NOC2L: variants seen among roughly 807,000 people sequenced by gnomAD.
NOC2L encodes the protein nucleolar complex protein 2 homolog.
Under a neutral mutation model 94.2 loss-of-function variants are expected in NOC2L, and 101 were observed. The ratio of observed to expected loss-of-function variants is 1.07; its 90% CI spans 0.91 to 1.26. The LOEUF (loss-of-function observed/expected upper bound fraction) is 1.26, where lower values mean the gene tolerates loss of function less well. NOC2L is among the 50% of genes most tolerant of loss of function. The pLI is 0.00. For missense variants in NOC2L, 1,076 were observed against 980.1 expected (o/e 1.10, Z -1.31); for synonymous variants, 531 against 413.4 (o/e 1.28, Z -3.45).
chr1:946,601 G>A, intron 14 of NOC2L, 56 bp from the exon 15 acceptor site: 2 of 1,586,250 alleles, frequency 1.3e-6, no homozygotes, highest in Non-Finnish European at 1.7e-6. Context: ...GTGCACAGCT[G>A]GCCCAGGTCC....
At chr1:945,003 C>T (rs1400110029) in intron 18 of NOC2L, 54 bp downstream of exon 18, 2 of 1,612,476 alleles carry the variant, frequency 1.2e-6, no homozygotes, top group Admixed American at 3.3e-5. Flanking sequence ...GTGGCTCTGC[C>T]CTCCCGCCAG....
At chr1:948,714 C>T (rs544681080) in intron 12 of NOC2L, 111 bp from the exon 13 acceptor site, 2 of 693,654 alleles carry the variant, frequency 2.9e-6, no homozygotes, top group East Asian at 2.6e-5. Flanking sequence ...CTGGCTGCAC[C>T]CTGGTCACCC....
intron 6 of NOC2L, among the ~76,000 whole-genome samples, chr1:955,255 G>A (rs1642368881): frequency 6.6e-6 from 1 of 152,238 alleles, no homozygotes; most frequent in African/African-American, 2.4e-5. Flanking sequence ...ACCAGCAACA[G>A]TGCCCCTGTC....
intron 6 of NOC2L, 29 bp downstream of exon 6, chr1:955,894 C>CG: frequency 6.4e-7 from 1 of 1,563,560 alleles, no homozygotes; most frequent in Non-Finnish European, 8.8e-7. Flanking sequence ...ACCTTCCACC[C>CG]TACCCCCCTT....
At chr1:950,247 G>A (rs1642217364) in intron 12 of NOC2L, among the ~76,000 whole-genome samples, 1 of 151,418 alleles carries the variant, frequency 6.6e-6, no homozygotes, top group African/African-American at 2.4e-5. Context: ...AGATGCAAAT[G>A]CATGCACACA....
chr1:950,480 C>T (rs1642226688), intron 12 of NOC2L, among the ~76,000 whole-genome samples: 1 of 151,866 alleles, frequency 6.6e-6, no homozygotes, highest in African/African-American at 2.4e-5. Flanking sequence ...CAGGTACACA[C>T]AGGTACACAC....
intron 13 of NOC2L, 29 bp downstream of exon 13, chr1:948,461 C>T: frequency 6.4e-7 from 1 of 1,552,636 alleles, no homozygotes; most frequent in South Asian, 1.1e-5. Context: ...GGGAACTGCC[C>T]AGGCCCCTCC....
Position 945,516 on chromosome 1 carries a change from A to G in NOC2L, c.2053+2T>C, listed in dbSNP as rs1325020660. 3.1e-6 allele frequency: 5 copies of G among 1,612,860 alleles called. No individual in the cohort carries two copies. Among genetic ancestry groups the G allele is most frequent in the Non-Finnish European group, 4.2e-6 (5 of 1,179,606 alleles). On this transcript the variant is annotated splice_donor_variant, in intron 17 of 18. Transcript: ENST00000327044. LOFTEE classifies it high-confidence loss of function. Reference sequence around the variant, plus strand: ...CCCCTGGGAGCACCACGCAGGCCCCACCTCTCTCCGAGAATCCCTCGGTGT... The same window carrying G: ...CCCCTGGGAGCACCACGCAGGCCCCGCCTCTCTCCGAGAATCCCTCGGTGT...
At chr1:949,798 T>TA (rs1642203498) in intron 12 of NOC2L, among the ~76,000 whole-genome samples, 1 of 152,144 alleles carries the variant, frequency 6.6e-6, no homozygotes, top group South Asian at 2.1e-4. Context: ...CATGGCTTCC[T>TA]AAAGATGTTC....
chr1:952,187 G>A (rs991500083), intron 10 of NOC2L, 48 bp from the exon 11 acceptor site: 1 of 1,601,652 alleles, frequency 6.2e-7, no homozygotes. Flanking sequence ...GACAAGTCAG[G>A]CTGATGCACG....
rs748668913 is a variant in NOC2L at position 956,969 on chromosome 1, G to A, written c.411C>T (p.Pro137=). Residue 137 remains proline, a synonymous_variant, in exon 4 of 19, where the codon CCC becomes CCT. Coordinates refer to ENST00000327044, the MANE Select transcript of NOC2L (RefSeq NM_015658.4). ...AEEGEDGDRV[P]RGLKGKKNSV... ...AATTCTTCTTCCCCTTCAGCCCTCT[G>A]GGGACTCTGTCCCCATCTTCTCCTT... 3.7e-6 allele frequency: 6 copies of A among 1,613,932 alleles called. No individual in the cohort carries two copies. The highest frequency in any genetic ancestry group is 5.1e-6 in the Non-Finnish European group (6 of 1,180,032).
rs1378165825 is a variant in NOC2L at position 944,800 on chromosome 1, T to G, written c.2144A>C (p.Asp715Ala). 6.4e-7 allele frequency: 1 copy of G among 1,574,678 alleles called. No individual in the cohort carries two copies. The highest frequency in any genetic ancestry group is 8.6e-7 in the Non-Finnish European group (1 of 1,161,202). Reference sequence around the variant, plus strand: ...CCCCGCCTCTGCGTCTGGGTCTCCATCTGCGGGGAGAGATGGAGGCTACAT... The same window carrying G: ...CCCCGCCTCTGCGTCTGGGTCTCCAGCTGCGGGGAGAGATGGAGGCTACAT... ...EGEEDSSNSE[D>A]GDPDAEAGLA... Residue 715 changes from aspartate to alanine, a missense_variant and splice_region_variant, in exon 19 of 19, where the codon GAT (aspartate) becomes GCT (alanine). Asp to Ala is a moderately radical substitution (Grantham distance 126). Around this residue, in one of 3 missense-constraint regions of NOC2L, gnomAD observed 615 missense variants for 577.4 expected, o/e 1.07. Coordinates refer to ENST00000327044, the MANE Select transcript of NOC2L (RefSeq NM_015658.4).
At chr1:959,129 C>A (rs759294874) in intron 1 of NOC2L, 48 bp from the exon 2 acceptor site, 5 of 1,611,516 alleles carry the variant, frequency 3.1e-6, no homozygotes, top group African/African-American at 2.7e-5. Context: ...CAGCTCGCCC[C>A]AGCCCCGCTG....
At chr1:957,552 C>T (rs1331542836) in intron 2 of NOC2L, 2 of 431,566 alleles carry the variant, frequency 4.6e-6, no homozygotes, top group South Asian at 3.0e-5. Flanking sequence ...CCTGGACTTG[C>T]TGTGCCTGTG....
In NOC2L at chr1:944,625, G is replaced by A. The variant is rs1642034775; in HGVS notation, c.*69C>T. The A allele has an allele frequency of 3.1e-6, 3 of 966,156 alleles. No individual in the cohort carries two copies. 59.8% of individuals were successfully genotyped at this position (966,156 alleles called of 1,614,324 possible). ...TGCACAGACGCCAGCCTCTAGGCCTGACTGCCAGGGAGGTGGAAACACTGG... is the reference window on the plus strand; with the variant it reads ...TGCACAGACGCCAGCCTCTAGGCCTAACTGCCAGGGAGGTGGAAACACTGG... On this transcript the variant is annotated 3_prime_UTR_variant, in exon 19 of 19. Coordinates refer to ENST00000327044, the MANE Select transcript of NOC2L (RefSeq NM_015658.4).
Position 957,121 on chromosome 1 carries a change from T to C in NOC2L, c.332A>G (p.His111Arg), listed in dbSNP as rs780069377. ...CACCTCCAGCACATCTGGCAGGGAG[T>C]GGAACGGCCCCTCTTCCTCCTCAGA... ...DSSEEEEGPF[H>R]SLPDVLEEAS... The change falls in exon 3 of 19, where the codon CAC becomes CGC. Residue 111 changes from histidine to arginine, a missense_variant. By Grantham distance (29) the His-to-Arg change is conservative (BLOSUM62 0). This residue lies in a region of NOC2L where 457 missense variants were observed against 386.0 expected (regional missense o/e 1.18). Coordinates refer to ENST00000327044, the MANE Select transcript of NOC2L (RefSeq NM_015658.4). 6.2e-6 allele frequency: 10 copies of C among 1,613,922 alleles called. No homozygotes were observed. The highest frequency in any genetic ancestry group is 7.6e-6 in the Non-Finnish European group (9 of 1,180,012).
intron 17 of NOC2L, 153 bp from the exon 18 acceptor site, chr1:945,299 TCACAGGCCTGGGGA>T: frequency 9.3e-7 from 1 of 1,069,998 alleles, no homozygotes; most frequent in Non-Finnish European, 1.3e-6. Flanking sequence ...AACTGGGAGG[TCACAGGCCTGGGGA>T]CAGAGTTACC....
Position 956,150 on chromosome 1 carries a change from G to A in NOC2L, c.552C>T (p.Thr184=). The part of the protein sequence containing the change: ...VQAFRAAVAT[T]RGDQESAEAN... Reference sequence around the variant, plus strand: ...CCTCAGCACTTTCCTGGTCCCCTCGGGTGGTGGCCACAGCTGCTCGGAACG... The same window carrying A: ...CCTCAGCACTTTCCTGGTCCCCTCGAGTGGTGGCCACAGCTGCTCGGAACG... Residue 184 remains threonine (T), a synonymous_variant, in exon 5 of 19, where the codon ACC becomes ACT. Transcript: ENST00000327044. 2 of 1,613,986 alleles carry A rather than the reference G, an allele frequency of 1.2e-6. No individual in the cohort carries two copies. Among genetic ancestry groups the A allele is most frequent in the Non-Finnish European group, 1.7e-6 (2 of 1,180,022 alleles).
chr1:944,834 C>T (rs755415900), intron 18 of NOC2L, 34 bp from the exon 19 acceptor site: 4 of 1,458,910 alleles, frequency 2.7e-6, no homozygotes, highest in Admixed American at 4.0e-5. Context: ...ATAAATTTTG[C>T]TTTATCAGGA....
Sources: gnomAD v4.1 joint callset for allele counts (sites outside exome capture counted in the v4.1 genomes callset) on GRCh38, gnomAD v4.1.1 for gene constraint, gnomAD v4.1.1 regional missense constraint, MANE v1.5 for transcripts, NCBI Gene and HGNC (gene_info 2026-07-23, HGNC 2026-07-21) for gene names.